MYO16: variants seen among roughly 807,000 people sequenced by gnomAD.
MYO16 encodes the protein unconventional myosin-XVI.
In MYO16, 94 loss-of-function variants were observed where a neutral mutation model predicts 205.3. The observed-to-expected ratio is 0.46, with a 90% CI of 0.39 to 0.54. MYO16 has a LOEUF of 0.54. Among genes scored for constraint, MYO16 ranks in the 20% least tolerant of loss-of-function variants. The probability of loss-of-function intolerance (pLI) is 0.00; values close to 1 mark genes in which losing one functional copy is unlikely to be tolerated. For missense variants in MYO16, 2,315 were observed against 2,387.5 expected (o/e 0.97, Z 0.63); for synonymous variants, 988 against 954.0 (o/e 1.04, Z -0.66).
In MYO16 at chr13:109,207,098, G is replaced by A; in HGVS notation, c.*262G>A. On this transcript the variant is annotated 3_prime_UTR_variant, in exon 35 of 35. Coordinates refer to ENST00000457511, the MANE Select transcript of MYO16 (RefSeq NM_001198950.3). ...CATTTACGGCTCTGTGCTACCCCTAGGTAGCAAGAGAGAGGCTGGGAAAAG... is the reference window on the plus strand; with the variant it reads ...CATTTACGGCTCTGTGCTACCCCTAAGTAGCAAGAGAGAGGCTGGGAAAAG... The A allele has an allele frequency of 2.4e-6, 1 of 421,652 alleles. No homozygotes were observed. The highest frequency in any genetic ancestry group is 6.5e-4 in the Middle Eastern group (1 of 1,530). 26.1% of individuals were successfully genotyped at this position (421,652 alleles called of 1,614,324 possible). A position where few individuals can be genotyped will look rare whatever the true frequency, so the allele number is the denominator to read the frequency against.
intron 2 of MYO16, among the ~76,000 whole-genome samples, chr13:108,677,773 A>G (rs1234314091): frequency 1.3e-5 from 2 of 152,190 alleles, no homozygotes; most frequent in Non-Finnish European, 2.9e-5. Context: ...TCTCTTCACC[A>G]TCAAGTTTTG....
intron 20 of MYO16, among the ~76,000 whole-genome samples, chr13:108,979,429 CA>C (rs953466907): frequency 6.6e-6 from 1 of 151,954 alleles, no homozygotes; most frequent in Admixed American, 6.6e-5. Flanking sequence ...GATAAAATAA[CA>C]AGCAGTTTGT....
At chr13:109,049,793 G>T (rs998030374) in intron 24 of MYO16, among the ~76,000 whole-genome samples, 5 of 152,136 alleles carry the variant, frequency 3.3e-5, no homozygotes, top group African/African-American at 1.2e-4. Flanking sequence ...AACTTAAAGT[G>T]ACGAAATCAT....
At chr13:109,169,228 C>T (rs1332238063) in intron 33 of MYO16, among the ~76,000 whole-genome samples, 1 of 152,092 alleles carries the variant, frequency 6.6e-6, no homozygotes, top group Non-Finnish European at 1.5e-5. Context: ...TGGCTTCAAA[C>T]CTTTGCATCA....
At chr13:108,698,884 A>G (rs1883189415) in intron 2 of MYO16, among the ~76,000 whole-genome samples, 1 of 152,178 alleles carries the variant, frequency 6.6e-6, no homozygotes, top group Non-Finnish European at 1.5e-5. Flanking sequence ...TCACAATAAT[A>G]TCATACTTTC....
intron 27 of MYO16, among the ~76,000 whole-genome samples, chr13:109,088,660 G>A (rs1011083613): frequency 6.6e-6 from 1 of 152,190 alleles, no homozygotes; most frequent in Non-Finnish European, 1.5e-5. Context: ...CTGCGGATGC[G>A]GTGCCTGAGA....
chr13:108,622,937 T>C (rs557624174), intron 1 of MYO16, among the ~76,000 whole-genome samples: 14 of 152,226 alleles, frequency 9.2e-5, no homozygotes, highest in South Asian at 2.1e-4. Context: ...TCAAGGACTC[T>C]AAGCTTTTAT....
At chr13:108,602,754 GA>G (rs762150253) in intron 1 of MYO16, among the ~76,000 whole-genome samples, 2 of 152,126 alleles carry the variant, frequency 1.3e-5, no homozygotes, top group African/African-American at 2.4e-5. Context: ...CATATTTGTA[GA>G]AGAATCTTCA....
the MYO16 span, among the ~76,000 whole-genome samples, chr13:108,574,310 A>G: frequency 2.0e-5 from 3 of 152,190 alleles, no homozygotes; most frequent in Admixed American, 6.5e-5. Flanking sequence ...CTCCATGGTT[A>G]TATGAAGCAA....
chr13:108,530,212 G>A, the MYO16 span, among the ~76,000 whole-genome samples: 4 of 152,286 alleles, frequency 2.6e-5, no homozygotes, highest in African/African-American at 9.6e-5. Flanking sequence ...GAACTGGGAG[G>A]GTGAGAGTCC....
intron 16 of MYO16, among the ~76,000 whole-genome samples, chr13:108,915,465 C>T (rs1237752934): frequency 1.3e-5 from 2 of 152,172 alleles, no homozygotes; most frequent in Non-Finnish European, 2.9e-5. Flanking sequence ...TACGGTTCTT[C>T]CTATATTGAC....
intron 32 of MYO16, among the ~76,000 whole-genome samples, chr13:109,155,426 G>C (rs1877956978): frequency 1.3e-5 from 2 of 152,156 alleles, no homozygotes; most frequent in African/African-American, 4.8e-5. Flanking sequence ...AGGAATGTCG[G>C]GAGCCCAGCC....
At chr13:109,130,880 A>C (rs79956216) in intron 31 of MYO16, among the ~76,000 whole-genome samples, 1,604 of 151,978 alleles carry the variant, frequency 0.011, 32 homozygotes, top group African/African-American at 0.036. Context: ...AATTAAATAC[A>C]ATTTTAAATT....
At chr13:108,886,496 A>G (rs1879894280) in intron 13 of MYO16, 4 of 456,074 alleles carry the variant, frequency 8.8e-6, no homozygotes, top group South Asian at 6.2e-5. Context: ...GCGAAAGGGA[A>G]GCTCTCAGCA....
chr13:109,123,440 C>G (rs1326446355), intron 29 of MYO16, among the ~76,000 whole-genome samples: 2 of 152,066 alleles, frequency 1.3e-5, no homozygotes, highest in Non-Finnish European at 2.9e-5. Flanking sequence ...AAGCCAATGT[C>G]TCCCTTTTTT....
chr13:109,142,792 G>A (rs948741843), intron 32 of MYO16, among the ~76,000 whole-genome samples: 2 of 152,060 alleles, frequency 1.3e-5, no homozygotes, highest in Non-Finnish European at 2.9e-5. Flanking sequence ...AAACCTCTAG[G>A]GGGTATTTGG....
intron 32 of MYO16, among the ~76,000 whole-genome samples, chr13:109,148,853 C>T (rs770686088): frequency 1.3e-5 from 2 of 152,044 alleles, no homozygotes; most frequent in Non-Finnish European, 2.9e-5. Context: ...ATGTTAGAGG[C>T]GGATGATGGG....
intron 12 of MYO16, among the ~76,000 whole-genome samples, chr13:108,880,211 T>C (rs569185994): frequency 1.3e-5 from 2 of 152,346 alleles, no homozygotes; most frequent in East Asian, 3.9e-4. Flanking sequence ...ATGGGGTTAT[T>C]TGATTTTTTC....
At chr13:108,835,761 A>G (rs949817503) in intron 9 of MYO16, among the ~76,000 whole-genome samples, 2 of 152,206 alleles carry the variant, frequency 1.3e-5, no homozygotes, top group African/African-American at 4.8e-5. Flanking sequence ...ATGCTTTAGC[A>G]AAGAAACTGG....
Sources: allele counts gnomAD v4.1 joint callset (sites outside exome capture counted in the v4.1 genomes callset), GRCh38; gene constraint gnomAD v4.1.1; transcripts MANE v1.5; gene names NCBI Gene and HGNC (gene_info 2026-07-23, HGNC 2026-07-21).